The following SDK1 variants were observed in gnomAD, a reference collection of about 807,000 sequenced individuals.
SDK1 encodes sidekick cell adhesion molecule 1, also known as protein sidekick-1.
In SDK1, 157 loss-of-function variants were observed where a neutral mutation model predicts 245.5. The ratio of observed to expected loss-of-function variants is 0.64; its 90% CI spans 0.56 to 0.73. The LOEUF (loss-of-function observed/expected upper bound fraction) is 0.73, where lower values mean the gene tolerates loss of function less well. Ranked by LOEUF, SDK1 falls within the 30% of genes least tolerant of loss-of-function variation. The pLI is 0.00. For missense variants in SDK1, 3,583 were observed against 3,002.3 expected (o/e 1.19, Z -4.52); for synonymous variants, 1,647 against 1,278.5 (o/e 1.29, Z -6.15).
At chr7:3,713,184 C>T (rs549546672) in intron 4 of SDK1, among the ~76,000 whole-genome samples, 15 of 152,268 alleles carry the variant, frequency 9.9e-5, no homozygotes, top group South Asian at 8.3e-4. Flanking sequence ...AAGCTGAGTC[C>T]GGCTGCTCAG....
intron 40 of SDK1, among the ~76,000 whole-genome samples, chr7:4,224,850 G>T (rs535538174): frequency 6.6e-6 from 1 of 151,632 alleles, no homozygotes; most frequent in Admixed American, 6.6e-5. Flanking sequence ...GGGTGTGGTG[G>T]CATGCACCTA....
Position 3,735,464 on chromosome 7 carries a change from C to G in SDK1, c.714-85986C>G, listed in dbSNP as rs571451097. On this transcript the variant is annotated intron_variant, in intron 4 of 44. Coordinates refer to ENST00000404826, the MANE Select transcript of SDK1 (RefSeq NM_152744.4). ...ACTTATTTCACTTGGTATAATGTCT[C>G]CAAGGTTCACACATGTGGTAGCGTG... Among the ~76,000 whole-genome samples, 46 of 152,262 alleles carry G rather than the reference C, an allele frequency of 3.0e-4. 1 individual carries two copies. The highest frequency in any genetic ancestry group is 1.0e-3 in the African/African-American group (43 of 41,546).
chr7:3,882,812 T>A (rs1442282476), intron 5 of SDK1, among the ~76,000 whole-genome samples: 1 of 152,220 alleles, frequency 6.6e-6, no homozygotes, highest in African/African-American at 2.4e-5. Context: ...AAATGAAAAC[T>A]GAATTATAAA....
chr7:3,569,046 TC>T (rs1273129269), intron 1 of SDK1, among the ~76,000 whole-genome samples: 1 of 151,836 alleles, frequency 6.6e-6, no homozygotes, highest in African/African-American at 2.4e-5. Context: ...CATGAGTGGT[TC>T]TTGGGCCTTA....
chr7:3,438,528 G>A (rs1044280153), intron 1 of SDK1, among the ~76,000 whole-genome samples: 2 of 152,178 alleles, frequency 1.3e-5, no homozygotes, highest in African/African-American at 4.8e-5. Context: ...GTCTCATGAA[G>A]TGTCCATTGT....
At chr7:3,560,604 C>A (rs1331115843) in intron 1 of SDK1, among the ~76,000 whole-genome samples, 1 of 152,142 alleles carries the variant, frequency 6.6e-6, no homozygotes, top group Non-Finnish European at 1.5e-5. Flanking sequence ...TTCCCTTGCA[C>A]CCCACAGCCC....
At chr7:3,805,774 C>T (rs780074312) in intron 4 of SDK1, among the ~76,000 whole-genome samples, 2 of 152,084 alleles carry the variant, frequency 1.3e-5, no homozygotes, top group African/African-American at 2.4e-5. Flanking sequence ...AAACATCATC[C>T]AGTGTATCCA....
At chr7:3,490,337 A>C (rs902489039) in intron 1 of SDK1, among the ~76,000 whole-genome samples, 1 of 152,174 alleles carries the variant, frequency 6.6e-6, no homozygotes, top group African/African-American at 2.4e-5. Flanking sequence ...TACATTTCTT[A>C]ATAGTTCTTT....
At chr7:3,777,329 C>G (rs890980239) in intron 4 of SDK1, among the ~76,000 whole-genome samples, 2 of 152,160 alleles carry the variant, frequency 1.3e-5, no homozygotes, top group Admixed American at 1.3e-4. Flanking sequence ...ATTCCTAAGC[C>G]TTTTTCCAAA....
At chr7:3,982,585 A>G (rs1334055714) in intron 13 of SDK1, among the ~76,000 whole-genome samples, 1 of 152,166 alleles carries the variant, frequency 6.6e-6, no homozygotes, top group Non-Finnish European at 1.5e-5. Context: ...TCACGCCTGT[A>G]ATCCCAACAC....
At chr7:3,532,250 T>C (rs1275718648) in intron 1 of SDK1, among the ~76,000 whole-genome samples, 2 of 152,186 alleles carry the variant, frequency 1.3e-5, no homozygotes, top group Admixed American at 6.5e-5. Context: ...GAACCCAAAG[T>C]TGTTAGGAAT....
At chr7:3,357,328 G>GT (rs560124026) in intron 1 of SDK1, among the ~76,000 whole-genome samples, 3 of 52,904 alleles carry the variant, frequency 5.7e-5, no homozygotes, top group African/African-American at 1.5e-4. Context: ...TTCTTTTAGT[G>GT]TTTTTTTTTT....
chr7:3,812,436 A>G (rs1288574379), intron 4 of SDK1, among the ~76,000 whole-genome samples: 1 of 152,216 alleles, frequency 6.6e-6, no homozygotes, highest in Non-Finnish European at 1.5e-5. Flanking sequence ...CCACCCTGCA[A>G]CTTACCACCG....
At chr7:4,044,637 A>G (rs908716520) in intron 17 of SDK1, among the ~76,000 whole-genome samples, 19 of 151,762 alleles carry the variant, frequency 1.3e-4, no homozygotes, top group African/African-American at 4.6e-4. Flanking sequence ...GAGACAGATT[A>G]TCTCACCCTG....
At chr7:3,472,933 T>C (rs1781229176) in intron 1 of SDK1, among the ~76,000 whole-genome samples, 1 of 152,186 alleles carries the variant, frequency 6.6e-6, no homozygotes, top group Admixed American at 6.5e-5. Flanking sequence ...GCTAACATAA[T>C]AAAATGAAAG....
intron 5 of SDK1, among the ~76,000 whole-genome samples, chr7:3,840,269 G>T (rs1405571676): frequency 6.6e-6 from 1 of 152,118 alleles, no homozygotes; most frequent in African/African-American, 2.4e-5. Flanking sequence ...CGGAAGAGGA[G>T]GGGGAGAAGA....
chr7:3,918,163 G>A (rs528015074), intron 5 of SDK1, among the ~76,000 whole-genome samples: 12 of 152,266 alleles, frequency 7.9e-5, no homozygotes, highest in African/African-American at 2.9e-4. Flanking sequence ...GGGGTAGCAT[G>A]GGCCACGTGT....
chr7:3,991,741 G>C lies in SDK1; in HGVS notation c.2131+4419G>C, dbSNP rs115400698. Among the ~76,000 whole-genome samples the C allele has an allele frequency of 3.8e-3, 586 of 152,286 alleles. 3 individuals are homozygous for C. The highest frequency in any genetic ancestry group is 0.013 in the African/African-American group (557 of 41,546). On this transcript the variant is annotated intron_variant, in intron 14 of 44. Transcript: ENST00000404826. Reference sequence around the variant, plus strand: ...TGGGTACCATGGTTGCCTCCTGCCTGTTCTGATTTCCACTGTGTGAAGGAA... The same window carrying C: ...TGGGTACCATGGTTGCCTCCTGCCTCTTCTGATTTCCACTGTGTGAAGGAA...
chr7:3,961,150 T>C (rs1480086348), intron 8 of SDK1, among the ~76,000 whole-genome samples: 1 of 152,252 alleles, frequency 6.6e-6, no homozygotes, highest in African/African-American at 2.4e-5. Flanking sequence ...TGCTGTCATA[T>C]AATTTACTGC....
Sources: allele counts gnomAD v4.1 joint callset (sites outside exome capture counted in the v4.1 genomes callset), GRCh38; gene constraint gnomAD v4.1.1; transcripts MANE v1.5; gene names NCBI Gene and HGNC (gene_info 2026-07-23, HGNC 2026-07-21).